LARP1: variants seen among roughly 807,000 people sequenced by gnomAD.
LARP1 encodes the protein la-related protein 1.
A neutral mutation model predicts 122.7 loss-of-function variants in LARP1; 36 were observed. The ratio of observed to expected loss-of-function variants is 0.29; its 90% CI spans 0.22 to 0.39. The LOEUF (loss-of-function observed/expected upper bound fraction) is 0.39, where lower values mean the gene tolerates loss of function less well. LARP1 is among the 10% of genes least tolerant of loss of function. The pLI, the probability that LARP1 is intolerant of heterozygous loss-of-function variation, is 1.00. For missense variants in LARP1, 1,040 were observed against 1,403.6 expected (o/e 0.74, Z 4.14); for synonymous variants, 539 against 528.7 (o/e 1.02, Z -0.27).
At chr5:154,767,658 ACT>A (rs989800838) in intron 1 of LARP1, among the ~76,000 whole-genome samples, 1 of 151,674 alleles carries the variant, frequency 6.6e-6, no homozygotes, top group African/African-American at 2.4e-5. Flanking sequence ...AAACTCTCCC[ACT>A]CTCTTTCATG....
chr5:154,814,168 C>A lies in LARP1; in HGVS notation c.*72C>A. The A allele has an allele frequency of 1.4e-6, 2 of 1,468,446 alleles. No homozygotes were observed. Among genetic ancestry groups the A allele is most frequent in the Non-Finnish European group, 9.4e-7 (1 of 1,064,662 alleles). The allele number at this position is 1,468,446 out of a possible 1,614,324, so 91.0% of individuals were successfully genotyped here. A position where few individuals can be genotyped will look rare whatever the true frequency, so the allele number is the denominator to read the frequency against. ...GTAAGAGTCCATGGGGGTGCCCAGT[C>A]CCAGGAAAGGGGACAATGAAGGGAC... On this transcript the variant is annotated 3_prime_UTR_variant, in exon 19 of 19. Coordinates refer to ENST00000518297, the MANE Select transcript of LARP1 (RefSeq NM_033551.3).
At chr5:154,721,325 C>T (rs1421351318) in intron 1 of LARP1, among the ~76,000 whole-genome samples, 5 of 139,896 alleles carry the variant, frequency 3.6e-5, no homozygotes, top group Non-Finnish European at 7.6e-5. Context: ...CCAGCCTGGG[C>T]AACAGAGCGA....
chr5:154,714,390 G>A (rs1423114856), intron 1 of LARP1, among the ~76,000 whole-genome samples: 1 of 152,072 alleles, frequency 6.6e-6, no homozygotes, highest in Non-Finnish European at 1.5e-5. Context: ...GGGACTTTTT[G>A]AAATGTACAA....
chr5:154,766,890 T>C (rs1561581191), intron 1 of LARP1, among the ~76,000 whole-genome samples: 1 of 152,190 alleles, frequency 6.6e-6, no homozygotes, highest in Non-Finnish European at 1.5e-5. Flanking sequence ...CTTCCTCCTT[T>C]CAGAGAAGAG....
intron 6 of LARP1, 44 bp from the exon 7 acceptor site, chr5:154,794,056 G>A (rs1757557987): frequency 3.7e-6 from 6 of 1,611,538 alleles, no homozygotes; most frequent in Non-Finnish European, 5.1e-6. Flanking sequence ...CAGGGGTGGT[G>A]GGCAGGAATC....
At position 154,814,440 on chromosome 5, in the gene LARP1, C is replaced by T. The variant is rs1759531935; in HGVS notation, c.*344C>T. ...CTGGATTACCAAAATCACTCTGCAG[C>T]CCTGCCCGAGGCTAGTAGGCTGCAA... is the stretch of plus-strand genomic sequence containing the variant. On this transcript the variant is annotated 3_prime_UTR_variant, in exon 19 of 19. Transcript: ENST00000518297. 6.5e-6 allele frequency: 1 copy of T among 153,088 alleles called. No homozygotes were observed. Among genetic ancestry groups the T allele is most frequent in the Non-Finnish European group, 1.5e-5 (1 of 68,514 alleles). The allele number at this position is 153,088 out of a possible 1,614,324, so 9.5% of individuals were successfully genotyped here.
intron 1 of LARP1, among the ~76,000 whole-genome samples, chr5:154,689,430 G>A (rs138704934): frequency 1.3e-5 from 2 of 151,576 alleles, no homozygotes; most frequent in Non-Finnish European, 2.9e-5. Flanking sequence ...CAGCCCAAAC[G>A]ACAGTGTGAA....
chr5:154,686,198 A>G (rs4958760), intron 1 of LARP1, among the ~76,000 whole-genome samples: 100,901 of 152,082 alleles, frequency 0.66, 33,641 homozygotes, highest in Non-Finnish European at 0.69. Flanking sequence ...AGGAAAGCTA[A>G]GACTCTTACT....
intron 1 of LARP1, among the ~76,000 whole-genome samples, chr5:154,788,395 G>A (rs771255178): frequency 1.3e-5 from 2 of 152,152 alleles, no homozygotes; most frequent in African/African-American, 2.4e-5. Flanking sequence ...GCTCCGGTAG[G>A]GGGTGGAAGC....
chr5:154,768,580 A>T (rs1051142064), intron 1 of LARP1, among the ~76,000 whole-genome samples: 9 of 151,754 alleles, frequency 5.9e-5, no homozygotes, highest in Middle Eastern at 3.4e-3. Flanking sequence ...ATTTATTTTT[A>T]TTTATTTATT....
chr5:154,804,794 T>C (rs1419789046), intron 14 of LARP1: 1 of 456,182 alleles, frequency 2.2e-6, no homozygotes, highest in Non-Finnish European at 4.4e-6. Flanking sequence ...CCAGTGTGTG[T>C]TTCCTGTTTC....
intron 1 of LARP1, among the ~76,000 whole-genome samples, chr5:154,772,395 G>T (rs1755511104): frequency 6.6e-6 from 1 of 152,132 alleles, no homozygotes; most frequent in Admixed American, 6.5e-5. Context: ...TCAAGTGTGT[G>T]TAAGAGTATA....
At chr5:154,744,678 C>A (rs547010548) in intron 1 of LARP1, among the ~76,000 whole-genome samples, 2 of 113,276 alleles carry the variant, frequency 1.8e-5, no homozygotes, top group African/African-American at 7.7e-5. Flanking sequence ...CGCTCTGTCG[C>A]CCAGGCTGGA....
At chr5:154,732,657 T>C (rs1322809350) in intron 1 of LARP1, among the ~76,000 whole-genome samples, 2 of 152,180 alleles carry the variant, frequency 1.3e-5, no homozygotes, top group Non-Finnish European at 2.9e-5. Flanking sequence ...GATCTATTCA[T>C]GTGTCTGGTG....
chr5:154,801,164 G>A (rs575284533), intron 10 of LARP1, among the ~76,000 whole-genome samples: 62 of 152,322 alleles, frequency 4.1e-4, no homozygotes, highest in Non-Finnish European at 6.2e-4. Flanking sequence ...CTCTCTCAGC[G>A]TCTCATATTC....
chr5:154,775,580 G>A (rs1755806907), intron 1 of LARP1, among the ~76,000 whole-genome samples: 1 of 151,696 alleles, frequency 6.6e-6, no homozygotes, highest in African/African-American at 2.4e-5. Context: ...CTAGAGCATT[G>A]CCTTTGCAAT....
intron 1 of LARP1, chr5:154,756,580 C>T (rs1272214848): frequency 5.9e-6 from 5 of 846,778 alleles, no homozygotes; most frequent in African/African-American, 5.5e-5. Context: ...CCACCCCGCC[C>T]GGCGCTCCCC....
chr5:154,690,388 G>A (rs1392217651), intron 1 of LARP1, among the ~76,000 whole-genome samples: 1 of 152,120 alleles, frequency 6.6e-6, no homozygotes, highest in Admixed American at 6.5e-5. Flanking sequence ...ATAATAACTG[G>A]CCTTTGTCGT....
At chr5:154,778,308 G>A (rs190001143) in intron 1 of LARP1, among the ~76,000 whole-genome samples, 37 of 150,374 alleles carry the variant, frequency 2.5e-4, no homozygotes, top group Admixed American at 4.0e-4. Context: ...TATTAAATAT[G>A]GTATTGTGGT....
Sources: gnomAD v4.1 joint callset for allele counts (sites outside exome capture counted in the v4.1 genomes callset) on GRCh38, gnomAD v4.1.1 for gene constraint, MANE v1.5 for transcripts, NCBI Gene and HGNC (gene_info 2026-07-23, HGNC 2026-07-21) for gene names.